Variants in NDUFV3 observed in about 807,000 individuals in gnomAD.
NDUFV3 encodes the protein NADH dehydrogenase [ubiquinone] flavoprotein 3, mitochondrial.
A neutral mutation model predicts 37.5 loss-of-function variants in NDUFV3; 44 were observed. The observed-to-expected ratio is 1.17, with a 90% CI of 0.92 to 1.51. The LOEUF is 1.51. NDUFV3 is among the 40% of genes most tolerant of loss of function. The probability of loss-of-function intolerance (pLI) is 0.00; values close to 1 mark genes in which losing one functional copy is unlikely to be tolerated. For missense variants in NDUFV3, 580 were observed against 580.4 expected, an observed-to-expected ratio of 1.00 and a Z score of 0.01; for synonymous variants, 235 against 239.3, an observed-to-expected ratio of 0.98 and a Z score of 0.17.
intron 2 of NDUFV3, among the ~76,000 whole-genome samples, chr21:42,897,322 T>C (rs965109520): frequency 2.6e-5 from 4 of 152,240 alleles, no homozygotes; most frequent in Admixed American, 2.0e-4. Context: ...GATGCCTTGG[T>C]AAAGGCTCTG....
intron 3 of NDUFV3, among the ~76,000 whole-genome samples, chr21:42,905,853 T>C (rs1023358456): frequency 1.4e-5 from 2 of 141,622 alleles, no homozygotes; most frequent in African/African-American, 5.4e-5. Flanking sequence ...TTTATTCCTA[T>C]GATGTTACCA....
At position 42,903,605 on chromosome 21, in the gene NDUFV3, C is replaced by T. The variant is rs749992119; in HGVS notation, c.593C>T (p.Ala198Val). ...PEASHSFENR[A>V]PRVTVSAKEK... ...GCCTCTCATTCCTTTGAAAACAGAG[C>T]CCCCCGAGTTACAGTATCAGCAAAA... The change falls in exon 3 of 4, where the codon GCC becomes GTC. Residue 198 changes from alanine (A) to valine (V), a missense_variant. Coordinates refer to ENST00000354250, the MANE Select transcript of NDUFV3 (RefSeq NM_021075.4). 3.4e-5 allele frequency: 55 copies of T among 1,613,724 alleles called. No individual in the cohort carries two copies. The highest frequency in any genetic ancestry group is 5.0e-5 in the Admixed American group (3 of 59,960).
intron 1 of NDUFV3, among the ~76,000 whole-genome samples, chr21:42,893,645 C>T (rs1379162015): frequency 2.0e-5 from 3 of 152,180 alleles, no homozygotes; most frequent in Non-Finnish European, 1.5e-5. Context: ...TGCCCCGTGC[C>T]GACGGGCGCT....
At chr21:42,893,684 C>A (rs1392607676) in intron 1 of NDUFV3, among the ~76,000 whole-genome samples, 1 of 152,208 alleles carries the variant, frequency 6.6e-6, no homozygotes, top group Non-Finnish European at 1.5e-5. Flanking sequence ...GGGCGGCAGA[C>A]TCGGGTGGAC....
intron 1 of NDUFV3, among the ~76,000 whole-genome samples, chr21:42,893,821 T>G (rs893797581): frequency 6.6e-6 from 1 of 152,242 alleles, no homozygotes; most frequent in African/African-American, 2.4e-5. Context: ...GGGACCTGGT[T>G]AACTTGGTAA....
Position 42,909,576 on chromosome 21 carries a change from ATAAT to A in NDUFV3, c.*558_*561del, listed in dbSNP as rs1451897647. 1.2e-5 allele frequency: 2 copies of A among 172,784 alleles called. No homozygotes were observed. Among genetic ancestry groups the A allele is most frequent in the Non-Finnish European group, 1.3e-5 (1 of 79,074 alleles). The allele number at this position is 172,784 out of a possible 1,614,324, so 10.7% of individuals were successfully genotyped here. A position where few individuals can be genotyped will look rare whatever the true frequency, so the allele number is the denominator to read the frequency against. On this transcript the variant is annotated 3_prime_UTR_variant, in exon 4 of 4. Coordinates refer to ENST00000354250, the MANE Select transcript of NDUFV3 (RefSeq NM_021075.4). Reference sequence around the variant, plus strand: ...GTTATGAATCACTGGGCAAATCCATATAATTAGAGAATTTTAAGTGCTTTAGAGC... The same window carrying A: ...GTTATGAATCACTGGGCAAATCCATATAGAGAATTTTAAGTGCTTTAGAGC...
rs143779964 is a variant in NDUFV3 at position 42,909,013 on chromosome 21, C to T, written c.1414C>T (p.Arg472Ter). The T allele has an allele frequency of 3.7e-6, 6 of 1,613,556 alleles. No homozygotes were observed. Among genetic ancestry groups the T allele is most frequent in the Middle Eastern group, 1.6e-4 (1 of 6,084 alleles). Reference sequence around the variant, plus strand: ...GCCCTCCTCAGGCCGGGAGTCACCTCGACACTGAGGGCCCTCGGTGTGAAG... The same window carrying T: ...GCCCTCCTCAGGCCGGGAGTCACCTTGACACTGAGGGCCCTCGGTGTGAAG... The part of the protein sequence containing the change: ...PQPSSGRESP[R>*]H The change falls in exon 4 of 4, where the codon CGA becomes TGA. Residue 472 changes from arginine to a stop codon, truncating the protein, a stop_gained. Coordinates refer to ENST00000354250, the MANE Select transcript of NDUFV3 (RefSeq NM_021075.4). LOFTEE classifies it high-confidence loss of function.
intron 3 of NDUFV3, among the ~76,000 whole-genome samples, chr21:42,906,190 C>G (rs1011187522): frequency 3.3e-5 from 5 of 152,096 alleles, no homozygotes; most frequent in Non-Finnish European, 7.4e-5. Context: ...GAGCACGAAA[C>G]TTGATAAGAT....
intron 1 of NDUFV3, among the ~76,000 whole-genome samples, chr21:42,895,954 G>T (rs2058688577): frequency 6.7e-6 from 1 of 150,334 alleles, no homozygotes; most frequent in East Asian, 1.9e-4. Flanking sequence ...GTACCTACAT[G>T]CACACAATCC....
Position 42,902,187 on chromosome 21 carries a change from A to G in NDUFV3, c.170-995A>G, listed in dbSNP as rs575725774. Among the ~76,000 whole-genome samples the G allele has an allele frequency of 6.6e-5, 10 of 152,348 alleles. 1 individual carries two copies. The South Asian group carries it at 2.1e-3, about 32-fold the overall frequency. On this transcript the variant is annotated intron_variant, in intron 2 of 3. Transcript: ENST00000354250. ...CGTGCCATTGCACTCCAGCCTGGGC[A>G]ACAAGAGTGAAACTCCATTTCAAAA...
Position 42,909,391 on chromosome 21 carries a change from C to G in NDUFV3, c.*370C>G, listed in dbSNP as rs2058759098. ...TCCTGACCTCAGATGGTCTGCCCAC[C>G]TCCGCCTCCCAAAGTGCTGGGATTA... On this transcript the variant is annotated 3_prime_UTR_variant, in exon 4 of 4. Coordinates refer to ENST00000354250, the MANE Select transcript of NDUFV3 (RefSeq NM_021075.4). 3.2e-6 allele frequency: 1 copy of G among 315,282 alleles called. No individual in the cohort carries two copies. Among genetic ancestry groups the G allele is most frequent in the Non-Finnish European group, 6.2e-6 (1 of 160,960 alleles). The allele number at this position is 315,282 out of a possible 1,614,324, so 19.5% of individuals were successfully genotyped here. A position where few individuals can be genotyped will look rare whatever the true frequency, so the allele number is the denominator to read the frequency against.
chr21:42,900,386 C>G (rs1043898791), intron 2 of NDUFV3, among the ~76,000 whole-genome samples: 1 of 152,114 alleles, frequency 6.6e-6, no homozygotes, highest in Admixed American at 6.6e-5. Flanking sequence ...GCCTGTAATC[C>G]CAGTCGCTCA....
Position 42,912,395 on chromosome 21 carries a change from T to C in NDUFV3, c.*3374T>C, listed in dbSNP as rs2058774223. 6.6e-6 allele frequency: 1 copy of C among 152,284 alleles called. No individual in the cohort carries two copies. The highest frequency in any genetic ancestry group is 1.5e-5 in the Non-Finnish European group (1 of 68,080). 9.4% of individuals were successfully genotyped at this position (152,284 alleles called of 1,614,324 possible). ...TGTAGCTATCACTGCAGATGATTTC[T>C]TGATAGTCCATCTGGTGGCAATACA... On this transcript the variant is annotated 3_prime_UTR_variant, in exon 4 of 4. Transcript: ENST00000354250.
chr21:42,899,113 G>A (rs967965358), intron 2 of NDUFV3, among the ~76,000 whole-genome samples: 1 of 152,092 alleles, frequency 6.6e-6, no homozygotes, highest in Non-Finnish European at 1.5e-5. Flanking sequence ...TCTGAGCCTC[G>A]GTTCCTTTGT....
chr21:42,908,831 G>A, intron 3 of NDUFV3, 33 bp from the exon 4 acceptor site: 3 of 1,614,032 alleles, frequency 1.9e-6, no homozygotes, highest in African/African-American at 2.7e-5. Context: ...CTGTCCTTGT[G>A]TTGGTCTCAT....
At chr21:42,900,278 G>A (rs796460710) in intron 2 of NDUFV3, among the ~76,000 whole-genome samples, 7 of 152,228 alleles carry the variant, frequency 4.6e-5, no homozygotes, top group African/African-American at 1.7e-4. Flanking sequence ...AAGGCGGGCC[G>A]ATCACTTGAG....
At chr21:42,898,159 G>T (rs1197455633) in intron 2 of NDUFV3, among the ~76,000 whole-genome samples, 4 of 152,178 alleles carry the variant, frequency 2.6e-5, no homozygotes, top group African/African-American at 9.7e-5. Flanking sequence ...CAAAGAGAGT[G>T]CCAGCCCCTG....
Position 42,903,685 on chromosome 21 carries a change from C to T in NDUFV3, c.673C>T (p.His225Tyr), listed in dbSNP as rs766113055. ...HVDITDPEKP[H>Y]QPKKKGSPAK... ...GGACATTACTGATCCAGAGAAGCCC[C>T]ACCAGCCAAAGAAGAAAGGGTCCCC... The change falls in exon 3 of 4, where the codon CAC (histidine) becomes TAC (tyrosine). Residue 225 changes from histidine (H) to tyrosine (Y), a missense_variant. Physicochemically the swap from His to Tyr is moderately conservative, Grantham distance 83. Coordinates refer to ENST00000354250, the MANE Select transcript of NDUFV3 (RefSeq NM_021075.4). 2.5e-6 allele frequency: 4 copies of T among 1,613,974 alleles called. No homozygotes were observed. In the African/African-American group the frequency reaches 4.0e-5, roughly 16 times the overall value.
At position 42,913,126 on chromosome 21, in the gene NDUFV3, T is replaced by A. The variant is rs1351602871; in HGVS notation, c.*4105T>A. On this transcript the variant is annotated 3_prime_UTR_variant, in exon 4 of 4. Transcript: ENST00000354250. ...GTTTTAAGTGCTCAGCTTCCTTGGTTCTACCACCTTCTCTCCCTGACCCTC... is the reference window on the plus strand; with the variant it reads ...GTTTTAAGTGCTCAGCTTCCTTGGTACTACCACCTTCTCTCCCTGACCCTC... 6.6e-6 allele frequency: 1 copy of A among 152,216 alleles called. No homozygotes were observed. Among genetic ancestry groups the A allele is most frequent in the Non-Finnish European group, 1.5e-5 (1 of 68,064 alleles). 9.4% of individuals were successfully genotyped at this position (152,216 alleles called of 1,614,324 possible). A position where few individuals can be genotyped will look rare whatever the true frequency, so the allele number is the denominator to read the frequency against.
Sources: allele counts gnomAD v4.1 joint callset (sites outside exome capture counted in the v4.1 genomes callset), GRCh38; gene constraint gnomAD v4.1.1; transcripts MANE v1.5; gene names NCBI Gene and HGNC (gene_info 2026-07-23, HGNC 2026-07-21).